The following HIVEP3 variants were observed in gnomAD, a reference collection of about 807,000 sequenced individuals.
HIVEP3 encodes the protein HIVEP zinc finger 3.
In HIVEP3, 49 loss-of-function variants were observed where a neutral mutation model predicts 152.8. The observed-to-expected ratio is 0.32, with a 90% CI of 0.26 to 0.41. The LOEUF (loss-of-function observed/expected upper bound fraction) is 0.41. Among genes scored for constraint, HIVEP3 ranks in the 10% least tolerant of loss-of-function variants. HIVEP3 has a pLI of 1.00. For synonymous variants in HIVEP3, 1,269 were observed against 1,289.0 expected (o/e 0.98, Z 0.33); for missense variants, 2,790 against 3,103.3 (o/e 0.90, Z 2.40).
At chr1:41,838,746 A>C (rs1329702093) in intron 1 of HIVEP3, among the ~76,000 whole-genome samples, 1 of 152,174 alleles carries the variant, frequency 6.6e-6, no homozygotes, top group Non-Finnish European at 1.5e-5. Context: ...ATCCATGGAG[A>C]ATAAATGACA....
intron 2 of HIVEP3, among the ~76,000 whole-genome samples, chr1:41,679,397 T>C (rs1646004913): frequency 6.6e-6 from 1 of 152,208 alleles, no homozygotes; most frequent in Non-Finnish European, 1.5e-5. Context: ...CATGGCACCA[T>C]GGCTGCCTCT....
chr1:42,025,911 A>C (rs2124537884), intron 1 of HIVEP3, among the ~76,000 whole-genome samples: 1 of 152,202 alleles, frequency 6.6e-6, no homozygotes, highest in South Asian at 2.1e-4. Context: ...CTCTACAAAA[A>C]ATATAAAAAA....
rs183152276 is a variant in HIVEP3, at chr1:41,868,349, C to T, written c.-801+50064G>A. Among the ~76,000 whole-genome samples, 269 of 152,178 alleles carry T rather than the reference C, an allele frequency of 1.8e-3. 3 individuals are homozygous for T. Among genetic ancestry groups the T allele is most frequent in the Admixed American group, 0.016 (247 of 15,274 alleles). ...TTGGAGAATGCATGGGGACAGGATG[C>T]CCTGCTGATGGGTGAGAGATGGTGG... On this transcript the variant is annotated intron_variant, in intron 1 of 8. Coordinates refer to ENST00000372583, the MANE Select transcript of HIVEP3 (RefSeq NM_024503.5).
intron 3 of HIVEP3, among the ~76,000 whole-genome samples, chr1:41,598,267 C>T (rs2149121861): frequency 6.6e-6 from 1 of 152,318 alleles, no homozygotes; most frequent in Non-Finnish European, 1.5e-5. Context: ...CAGTTTCTGG[C>T]AGGTCTCTAG....
Position 41,670,772 on chromosome 1 carries a change from A to T in HIVEP3, c.-721+30144T>A, listed in dbSNP as rs1645863310. Among the ~76,000 whole-genome samples, 4 of 152,200 alleles carry T rather than the reference A, an allele frequency of 2.6e-5. No individual in the cohort carries two copies. In the South Asian group the frequency reaches 8.3e-4, roughly 32 times the overall value. ...AAGCAGGGGAAGAATTAAGCCACGC[A>T]GTTACTAGGAAAGGCCTTTATAGGC... On this transcript the variant is annotated intron_variant, in intron 2 of 8. Transcript: ENST00000372583.
At chr1:41,999,492 G>A (rs1175913956) in intron 1 of HIVEP3, among the ~76,000 whole-genome samples, 2 of 152,108 alleles carry the variant, frequency 1.3e-5, no homozygotes, top group Non-Finnish European at 2.9e-5. Flanking sequence ...ACATCAATGG[G>A]CATTCAAGTC....
Position 41,579,885 on chromosome 1 carries a change from T to C in HIVEP3, c.4913A>G (p.Asn1638Ser), listed in dbSNP as rs867084332. The C allele has an allele frequency of 5.0e-6, 8 of 1,614,036 alleles. No homozygotes were observed. The highest frequency in any genetic ancestry group is 6.8e-6 in the Non-Finnish European group (8 of 1,179,996). ...AGCTTTAGTGGAAACCCCCGGAAGG[T>C]TGGGGTTGTACAAACTTATGCACCA... ...AGWCISLYNP[N>S]LPGVSTKAAL... is the part of the protein sequence containing the mutation. The change falls in exon 4 of 9, where the codon AAC becomes AGC. Residue 1638 changes from asparagine to serine, a missense_variant. By Grantham distance (46) the Asn-to-Ser change is conservative. This residue lies in a region of HIVEP3 where 1,078 missense variants were observed against 1,165.3 expected (regional missense o/e 0.93). Coordinates refer to ENST00000372583, the MANE Select transcript of HIVEP3 (RefSeq NM_024503.5).
chr1:41,805,108 G>A (rs625036), intron 1 of HIVEP3, among the ~76,000 whole-genome samples: 44,737 of 152,058 alleles, frequency 0.29, 7,527 homozygotes, highest in Middle Eastern at 0.44. Context: ...AGGCTGAGGC[G>A]GGCACATCGC....
At chr1:41,826,077 G>A (rs1397476103) in intron 1 of HIVEP3, among the ~76,000 whole-genome samples, 1 of 152,156 alleles carries the variant, frequency 6.6e-6, no homozygotes, top group East Asian at 1.9e-4. Context: ...TGCTGGAATT[G>A]TCACTGTTAC....
chr1:41,901,445 A>C (rs1316898900), intron 1 of HIVEP3, among the ~76,000 whole-genome samples: 1 of 151,960 alleles, frequency 6.6e-6, no homozygotes, highest in African/African-American at 2.4e-5. Flanking sequence ...AAGAAGAGAA[A>C]TCCTCAGACA....
chr1:41,943,045 G>A (rs1206202074), intron 1 of HIVEP3, among the ~76,000 whole-genome samples: 2 of 151,904 alleles, frequency 1.3e-5, no homozygotes, highest in African/African-American at 2.4e-5. Context: ...GACTACAGGC[G>A]CCCGCCATCA....
At chr1:41,725,468 C>T (rs1646739196) in intron 1 of HIVEP3, among the ~76,000 whole-genome samples, 1 of 152,232 alleles carries the variant, frequency 6.6e-6, no homozygotes, top group Admixed American at 6.5e-5. Flanking sequence ...AATGCAACAG[C>T]AATGGAATAA....
At chr1:41,623,991 G>A (rs994003573) in intron 3 of HIVEP3, among the ~76,000 whole-genome samples, 3 of 151,938 alleles carry the variant, frequency 2.0e-5, no homozygotes, top group Admixed American at 6.5e-5. Flanking sequence ...TCAAAGGCGC[G>A]GGCCAGAGGT....
chr1:41,518,501 G>A lies in HIVEP3; in HGVS notation c.5384-13C>T, dbSNP rs777837471. On this transcript the variant is annotated splice_polypyrimidine_tract_variant and intron_variant, in intron 6 of 8. Transcript: ENST00000372583. Reference sequence around the variant, plus strand: ...TTAGTCAGATTCCCTAGAAAGAAACGAGAATACTTAGGCTCTGCTATGGGG... The same window carrying A: ...TTAGTCAGATTCCCTAGAAAGAAACAAGAATACTTAGGCTCTGCTATGGGG... 26 of 1,610,482 alleles carry A rather than the reference G, an allele frequency of 1.6e-5. No homozygotes were observed. The highest frequency in any genetic ancestry group is 6.7e-5 in the African/African-American group (5 of 74,878).
chr1:41,566,401 C>A (rs1176017211), intron 5 of HIVEP3, among the ~76,000 whole-genome samples: 1 of 152,140 alleles, frequency 6.6e-6, no homozygotes, highest in Non-Finnish European at 1.5e-5. Flanking sequence ...GGGCTTTGCT[C>A]CTGCCCCCTG....
intron 1 of HIVEP3, among the ~76,000 whole-genome samples, chr1:41,963,439 A>T (rs1030714786): frequency 2.0e-5 from 3 of 151,318 alleles, no homozygotes; most frequent in South Asian, 2.1e-4. Context: ...ACATGAACTC[A>T]TCATTTTTCA....
Position 41,513,871 on chromosome 1 carries a change from G to A in HIVEP3, c.5471-121C>T, listed in dbSNP as rs1273370972. 1.1e-5 allele frequency: 8 copies of A among 747,526 alleles called. No individual in the cohort carries two copies. In the East Asian group the frequency reaches 2.4e-4, roughly 22 times the overall value. The allele number at this position is 747,526 out of a possible 1,614,324, so 46.3% of individuals were successfully genotyped here. A position where few individuals can be genotyped will look rare whatever the true frequency, so the allele number is the denominator to read the frequency against. ...TGACTGGGCAAAATAGCCATCGCAA[G>A]GGCACAAGATTGTTGGGACAACCAA... On this transcript the variant is annotated intron_variant, in intron 7 of 8. Transcript: ENST00000372583.
At chr1:41,973,943 G>A (rs1645244960) in intron 1 of HIVEP3, among the ~76,000 whole-genome samples, 1 of 152,232 alleles carries the variant, frequency 6.6e-6, no homozygotes, top group African/African-American at 2.4e-5. Context: ...GGAATTCAGT[G>A]GAGGGATGTG....
intron 1 of HIVEP3, among the ~76,000 whole-genome samples, chr1:41,722,408 C>G (rs904387615): frequency 6.3e-5 from 8 of 127,990 alleles, no homozygotes; most frequent in African/African-American, 1.9e-4. Context: ...GGCTGGCCTT[C>G]CTTCCTTCCT....
Sources: gnomAD v4.1 joint callset for allele counts (sites outside exome capture counted in the v4.1 genomes callset) on GRCh38, gnomAD v4.1.1 for gene constraint, gnomAD v4.1.1 regional missense constraint, MANE v1.5 for transcripts, NCBI Gene and HGNC (gene_info 2026-07-23, HGNC 2026-07-21) for gene names.